GSDMC: variants seen among roughly 807,000 people sequenced by gnomAD.
GSDMC encodes the protein gasdermin-C.
A neutral mutation model predicts 58.0 loss-of-function variants in GSDMC; 59 were observed. That is an observed-to-expected ratio of 1.02 (90% CI 0.82 to 1.26). The LOEUF (loss-of-function observed/expected upper bound fraction) is 1.26. GSDMC is among the 50% of genes most tolerant of loss of function. The pLI is 0.00. For synonymous variants in GSDMC, 241 were observed against 220.2 expected, an observed-to-expected ratio of 1.09 and a Z score of -0.83; for missense variants, 659 against 598.5, an observed-to-expected ratio of 1.10 and a Z score of -1.06.
chr8:129,774,027 C>A (rs758590888), intron 3 of GSDMC, among the ~76,000 whole-genome samples: 6 of 151,988 alleles, frequency 3.9e-5, no homozygotes, highest in Non-Finnish European at 5.9e-5. Flanking sequence ...TATCAAAATG[C>A]CAATGACAAT....
chr8:129,740,737 GAT>G, the GSDMC span, among the ~76,000 whole-genome samples: 3 of 152,106 alleles, frequency 2.0e-5, no homozygotes, highest in African/African-American at 7.2e-5. Context: ...ATATATTTTG[GAT>G]ATTAGCTCCC....
chr8:129,720,176 A>G, the GSDMC span, among the ~76,000 whole-genome samples: 4 of 152,222 alleles, frequency 2.6e-5, no homozygotes, highest in African/African-American at 9.6e-5. Flanking sequence ...AGTCTGCCAA[A>G]CATCAAAGTC....
the GSDMC span, among the ~76,000 whole-genome samples, chr8:129,727,039 C>G: frequency 7.6e-6 from 1 of 131,834 alleles, no homozygotes; most frequent in Non-Finnish European, 1.7e-5. Context: ...TTCACATACT[C>G]ATTTACGCAC....
At chr8:129,770,719 G>C (rs533563503) in intron 3 of GSDMC, among the ~76,000 whole-genome samples, 1 of 151,872 alleles carries the variant, frequency 6.6e-6, no homozygotes, top group Non-Finnish European at 1.5e-5. Flanking sequence ...AGGTGAGAAA[G>C]AAGGAAAGAA....
rs146316841 is a variant in GSDMC at position 129,752,816 on chromosome 8, G to A, written c.726C>T (p.Tyr242=). The A allele has an allele frequency of 1.1e-4, 174 of 1,613,940 alleles. No individual in the cohort carries two copies. The highest frequency in any genetic ancestry group is 1.3e-4 in the South Asian group (12 of 91,082). ...DDEQRTFQDE[Y]EISEMVGYCA... ...AGTAGCCTACCATTTCGGAAATTTCGTACTCTTGGGAGAGAGGGAGAGCAG... is the reference window on the plus strand; with the variant it reads ...AGTAGCCTACCATTTCGGAAATTTCATACTCTTGGGAGAGAGGGAGAGCAG... Residue 242 remains tyrosine, a synonymous_variant, in exon 7 of 14, where the codon TAC becomes TAT. Coordinates refer to ENST00000276708, the MANE Select transcript of GSDMC (RefSeq NM_031415.3).
the GSDMC span, among the ~76,000 whole-genome samples, chr8:129,719,088 C>T: frequency 2.0e-5 from 3 of 151,992 alleles, no homozygotes; most frequent in African/African-American, 4.8e-5. Context: ...ATGTAGATGA[C>T]GAGTTGATGG....
Position 129,749,982 on chromosome 8 carries a change from A to ACAG in GSDMC, c.1213+7_1213+8insCTG. ...GATTCTCCCATTCTTCCCTTTAATTACTCTTACCCATTATGGCTTCAAGGA... is the reference window on the plus strand; with the variant it reads ...GATTCTCCCATTCTTCCCTTTAATTACAGCTCTTACCCATTATGGCTTCAAGGA... On this transcript the variant is annotated splice_region_variant and intron_variant, in intron 12 of 13. Transcript: ENST00000276708. The ACAG allele has an allele frequency of 6.3e-7, 1 of 1,575,938 alleles. No homozygotes were observed. Among genetic ancestry groups the ACAG allele is most frequent in the Non-Finnish European group, 8.6e-7 (1 of 1,166,884 alleles).
At chr8:129,712,191 T>A in the GSDMC span, among the ~76,000 whole-genome samples, 1 of 152,220 alleles carries the variant, frequency 6.6e-6, no homozygotes, top group African/African-American at 2.4e-5. Flanking sequence ...CATAGCAAAG[T>A]GTCTAACATG....
At chr8:129,728,836 GC>G in the GSDMC span, 1 of 592,844 alleles carries the variant, frequency 1.7e-6, no homozygotes, top group Non-Finnish European at 3.3e-6. Flanking sequence ...AGCTGAGGTA[GC>G]CCGCTGCTGG....
chr8:129,786,000 T>G lies in GSDMC; in HGVS notation c.-5+11A>C, dbSNP rs2034544989. 4 of 152,280 alleles carry G rather than the reference T, an allele frequency of 2.6e-5. No homozygotes were observed. The highest frequency in any genetic ancestry group is 6.5e-5 in the Admixed American group (1 of 15,288). 9.4% of individuals were successfully genotyped at this position (152,280 alleles called of 1,614,324 possible). Reference sequence around the variant, plus strand: ...TTTTCTTTTTCATCCCCTGATCCCATTAGGACTTACCAGATTATATATCCC... The same window carrying G: ...TTTTCTTTTTCATCCCCTGATCCCAGTAGGACTTACCAGATTATATATCCC... On this transcript the variant is annotated intron_variant, in intron 1 of 13. Coordinates refer to ENST00000276708, the MANE Select transcript of GSDMC (RefSeq NM_031415.3).
At chr8:129,752,952 C>T (rs1563790220) in intron 6 of GSDMC, 132 bp from the exon 7 acceptor site, 3 of 1,441,132 alleles carry the variant, frequency 2.1e-6, no homozygotes, top group Non-Finnish European at 2.8e-6. Context: ...TGAACAAGAC[C>T]CACTCAAAGA....
chr8:129,707,998 T>C, the GSDMC span, among the ~76,000 whole-genome samples: 1 of 152,124 alleles, frequency 6.6e-6, no homozygotes, highest in South Asian at 2.1e-4. Flanking sequence ...CCACCAGAGT[T>C]CTGTGCTCCT....
intron 1 of GSDMC, among the ~76,000 whole-genome samples, chr8:129,782,729 T>C (rs1405795510): frequency 2.6e-5 from 4 of 152,010 alleles, no homozygotes; most frequent in Admixed American, 2.0e-4. Flanking sequence ...AGTCTCCCAG[T>C]AAATAAAAGC....
intron 3 of GSDMC, 142 bp downstream of exon 3, chr8:129,775,960 C>T (rs1042045841): frequency 4.4e-5 from 28 of 636,568 alleles, no homozygotes; most frequent in Non-Finnish European, 7.3e-5. Flanking sequence ...GGTATGAATA[C>T]TCAAGAAGAG....
chr8:129,729,348 A>G, the GSDMC span: 4 of 460,244 alleles, frequency 8.7e-6, no homozygotes, highest in Admixed American at 1.1e-4. Flanking sequence ...TCTAGGGTAC[A>G]TGTGCACAAG....
In GSDMC at chr8:129,749,457, C is replaced by A. The variant is rs764706903; in HGVS notation, c.1282G>T (p.Glu428Ter). The A allele has an allele frequency of 5.0e-6, 8 of 1,612,024 alleles. No homozygotes were observed. Among genetic ancestry groups the A allele is most frequent in the Non-Finnish European group, 3.4e-6 (4 of 1,178,130 alleles). Residue 428 changes from glutamate to a stop codon, truncating the protein, a stop_gained, in exon 13 of 14, where the codon GAG becomes TAG. Coordinates refer to ENST00000276708, the MANE Select transcript of GSDMC (RefSeq NM_031415.3). LOFTEE classifies it low-confidence loss of function (END_TRUNC). ...MEKRILLQQQ[E>*]LVRSILEPNF... ...GGCCCCTGGGAAGTTCTCACCAGCT[C>A]CTGTTGCTGAAGCAGGATCCTCTTC...
chr8:129,771,826 G>A (rs2034060191), intron 3 of GSDMC, among the ~76,000 whole-genome samples: 2 of 152,180 alleles, frequency 1.3e-5, no homozygotes, highest in Admixed American at 1.3e-4. Flanking sequence ...AAAAATATCT[G>A]AGACAAACAA....
At chr8:129,709,059 A>T in the GSDMC span, among the ~76,000 whole-genome samples, 2 of 152,108 alleles carry the variant, frequency 1.3e-5, no homozygotes, top group Non-Finnish European at 1.5e-5. Context: ...TTCATTTTGT[A>T]TATTCTATCT....
At chr8:129,727,841 C>T in the GSDMC span, among the ~76,000 whole-genome samples, 1 of 152,176 alleles carries the variant, frequency 6.6e-6, no homozygotes, top group Admixed American at 6.5e-5. Flanking sequence ...TATTCTCCCC[C>T]ATCACAGGTC....
Sources: gnomAD v4.1 joint callset for allele counts (sites outside exome capture counted in the v4.1 genomes callset) on GRCh38, gnomAD v4.1.1 for gene constraint, MANE v1.5 for transcripts, NCBI Gene and HGNC (gene_info 2026-07-23, HGNC 2026-07-21) for gene names.